The following SHOX2 variants were observed in gnomAD, a reference collection of about 807,000 sequenced individuals.
The protein encoded by SHOX2 is short stature homeobox protein 2.
In SHOX2, 13 loss-of-function variants were observed where a neutral mutation model predicts 31.3. That is an observed-to-expected ratio of 0.42 (90% CI 0.27 to 0.66). The LOEUF (loss-of-function observed/expected upper bound fraction) is 0.66. Among genes scored for constraint, SHOX2 ranks in the 30% least tolerant of loss-of-function variants. The probability of loss-of-function intolerance (pLI) is 0.27; values close to 1 mark genes in which losing one functional copy is unlikely to be tolerated. For synonymous variants in SHOX2, 244 were observed against 196.2 expected (o/e 1.24, Z -2.04); for missense variants, 473 against 443.0 (o/e 1.07, Z -0.61).
chr3:158,105,725 G>A lies in SHOX2; in HGVS notation c.300C>T (p.Gly100=). ...CCGGCTCCCTGCTTCTCTCGGCGGC[G>A]CCCATGTCCAGCTCCCGGACGGGAG... ...GRSPVRELDM[G]AAERSREPGS... is the part of the protein sequence containing the mutation. The change falls in exon 1 of 5, where the codon GGC becomes GGT. Residue 100 remains glycine, a synonymous_variant. Transcript: ENST00000483851. 2.6e-6 allele frequency: 4 copies of A among 1,525,076 alleles called. No individual in the cohort carries two copies. Among genetic ancestry groups the A allele is most frequent in the Non-Finnish European group, 2.6e-6 (3 of 1,137,554 alleles). The allele number at this position is 1,525,076 out of a possible 1,614,324, so 94.5% of individuals were successfully genotyped here.
intron 3 of SHOX2, 68 bp from the exon 4 acceptor site, chr3:158,100,016 G>T (rs779792153): frequency 7.6e-7 from 1 of 1,318,942 alleles, no homozygotes; most frequent in South Asian, 1.2e-5. Flanking sequence ...GTTCCAAAGG[G>T]TACAAGACAG....
chr3:158,099,411 A>T (rs1486391406), intron 4 of SHOX2, among the ~76,000 whole-genome samples: 2 of 152,220 alleles, frequency 1.3e-5, no homozygotes, highest in Non-Finnish European at 2.9e-5. Context: ...GAAAAAACAA[A>T]AGTATGAGCT....
intron 1 of SHOX2, chr3:158,103,886 C>T (rs1713675202): frequency 6.6e-6 from 1 of 152,254 alleles, no homozygotes; most frequent in Non-Finnish European, 1.5e-5. Context: ...ATGAATTTTT[C>T]TGCTCTGGGT....
At chr3:158,104,436 C>T (rs1311297754) in intron 1 of SHOX2, among the ~76,000 whole-genome samples, 2 of 152,240 alleles carry the variant, frequency 1.3e-5, no homozygotes, top group African/African-American at 4.8e-5. Flanking sequence ...TTTTCTAGTT[C>T]TCAGAGTTAG....
rs1202679002 is a variant in SHOX2 at position 158,096,416 on chromosome 3, A to AG, written c.*1610_*1611insC. 2.0e-5 allele frequency: 3 copies of AG among 146,844 alleles called. No homozygotes were observed. The highest frequency in any genetic ancestry group is 3.0e-5 in the Non-Finnish European group (2 of 66,654). The allele number at this position is 146,844 out of a possible 1,614,324, so 9.1% of individuals were successfully genotyped here. Reference sequence around the variant, plus strand: ...TTGAAACAAACAACCAAAAGAAAAAAAAAAACAAAAAAGAAACAAACAAAC... The same window carrying AG: ...TTGAAACAAACAACCAAAAGAAAAAAGAAAAACAAAAAAGAAACAAACAAAC... On this transcript the variant is annotated 3_prime_UTR_variant, in exon 5 of 5. Coordinates refer to ENST00000483851, the MANE Select transcript of SHOX2 (RefSeq NM_001163678.2).
rs1416138989 is a variant in SHOX2 at position 158,097,356 on chromosome 3, C to T, written c.*671G>A. 2.6e-5 allele frequency: 4 copies of T among 152,468 alleles called. No homozygotes were observed. The East Asian group carries it at 5.8e-4, about 22-fold the overall frequency. 9.4% of individuals were successfully genotyped at this position (152,468 alleles called of 1,614,324 possible). ...TCAAAACCTGTGAACTTCCCAGCTG[C>T]GCACTTTTTTCATCTTAGTTTTTTA... is the stretch of plus-strand genomic sequence containing the variant. On this transcript the variant is annotated 3_prime_UTR_variant, in exon 5 of 5. Coordinates refer to ENST00000483851, the MANE Select transcript of SHOX2 (RefSeq NM_001163678.2).
rs62288265 is a variant in SHOX2 at position 158,106,309 on chromosome 3, G to T, written c.-285C>A. On this transcript the variant is annotated 5_prime_UTR_variant, in exon 1 of 5. Transcript: ENST00000483851. ...AGGGAGGAGGAGGAGGAGAAGAGAA[G>T]GGGCGGGGGCTGCCGGAGGGAAATG... 6 of 456,980 alleles carry T rather than the reference G, an allele frequency of 1.3e-5. No homozygotes were observed. Among genetic ancestry groups the T allele is most frequent in the Non-Finnish European group, 2.3e-5 (6 of 258,762 alleles). The allele number at this position is 456,980 out of a possible 1,614,324, so 28.3% of individuals were successfully genotyped here. A position where few individuals can be genotyped will look rare whatever the true frequency, so the allele number is the denominator to read the frequency against.
chr3:158,105,081 G>C lies in SHOX2; in HGVS notation c.346+598C>G, dbSNP rs754635163. 6.2e-6 allele frequency: 9 copies of C among 1,442,530 alleles called. No homozygotes were observed. The South Asian group carries it at 9.8e-5, about 16-fold the overall frequency. 89.4% of individuals were successfully genotyped at this position (1,442,530 alleles called of 1,614,324 possible). A position where few individuals can be genotyped will look rare whatever the true frequency, so the allele number is the denominator to read the frequency against. ...ACCAAGAAACCGAAACGCCTCGCCC[G>C]GGAGAAGCAGCGTAGCCTGGACCTC... On this transcript the variant is annotated intron_variant, in intron 1 of 4. Transcript: ENST00000483851.
chr3:158,102,934 ACACACACACG>A, intron 1 of SHOX2, 48 bp from the exon 2 acceptor site: 1 of 1,487,154 alleles, frequency 6.7e-7, no homozygotes, highest in Non-Finnish European at 9.4e-7. Context: ...ACACGAACAC[ACACACACACG>A]CACACACACA....
At chr3:158,101,375 T>G (rs1427012203) in intron 2 of SHOX2, among the ~76,000 whole-genome samples, 1 of 152,232 alleles carries the variant, frequency 6.6e-6, no homozygotes, top group African/African-American at 2.4e-5. Flanking sequence ...GGCCTGAGGC[T>G]TCTTGCCTTT....
intron 1 of SHOX2, 121 bp from the exon 2 acceptor site, chr3:158,103,007 T>G: frequency 1.1e-6 from 1 of 926,404 alleles, no homozygotes; most frequent in Non-Finnish European, 1.7e-6. Flanking sequence ...CAAAAAAGAA[T>G]AGAGAATCCT....
In SHOX2 at chr3:158,098,174, T is replaced by G. The variant is rs762688033; in HGVS notation, c.813A>C (p.Gly271=). 4.3e-6 allele frequency: 7 copies of G among 1,613,462 alleles called. No individual in the cohort carries two copies. Among genetic ancestry groups the G allele is most frequent in the South Asian group, 2.2e-5 (2 of 91,046 alleles). ...CCGCGGCCAGCGTGGCGAGCGGCAG[T>G]CCGAAGGGCGGTGCTGGGAACATCA... ...PYMMFPAPPF[G]LPLATLAADS... Residue 271 remains glycine, a synonymous_variant, in exon 5 of 5, where the codon GGA becomes GGC. Coordinates refer to ENST00000483851, the MANE Select transcript of SHOX2 (RefSeq NM_001163678.2).
intron 2 of SHOX2, among the ~76,000 whole-genome samples, chr3:158,101,227 T>C (rs1713467206): frequency 6.6e-6 from 1 of 152,218 alleles, no homozygotes; most frequent in Non-Finnish European, 1.5e-5. Context: ...AAAGTAAAAA[T>C]ACTGCTTCAG....
chr3:158,105,770 T>C lies in SHOX2; in HGVS notation c.255A>G (p.Gly85=), dbSNP rs2108134016. The C allele has an allele frequency of 1.3e-6, 2 of 1,518,164 alleles. No individual in the cohort carries two copies. Among genetic ancestry groups the C allele is most frequent in the Non-Finnish European group, 8.8e-7 (1 of 1,134,254 alleles). The allele number at this position is 1,518,164 out of a possible 1,614,324, so 94.0% of individuals were successfully genotyped here. The change falls in exon 1 of 5, where the codon GGA becomes GGG. Residue 85 remains glycine, a synonymous_variant. Transcript: ENST00000483851. The part of the protein sequence containing the change: ...GGGVGGGGAG[G]GAGGGRSPVR... ...CGGGAGAGCGCCCTCCTCCAGCTCC[T>C]CCGCCTGCTCCTCCTCCTCCTACAC...
At position 158,106,325 on chromosome 3, in the gene SHOX2, G is replaced by T; in HGVS notation, c.-301C>A. ...AGAAGAGAAGGGGCGGGGGCTGCCG[G>T]AGGGAAATGGGAACTGATGCTTCCC... On this transcript the variant is annotated 5_prime_UTR_variant, in exon 1 of 5. Coordinates refer to ENST00000483851, the MANE Select transcript of SHOX2 (RefSeq NM_001163678.2). 2.3e-6 allele frequency: 1 copy of T among 431,794 alleles called. No individual in the cohort carries two copies. The highest frequency in any genetic ancestry group is 4.2e-5 in the Admixed American group (1 of 24,034). 26.7% of individuals were successfully genotyped at this position (431,794 alleles called of 1,614,324 possible). A position where few individuals can be genotyped will look rare whatever the true frequency, so the allele number is the denominator to read the frequency against.
In SHOX2 at chr3:158,098,174, T is replaced by C. The variant is rs762688033; in HGVS notation, c.813A>G (p.Gly271=). ...CCGCGGCCAGCGTGGCGAGCGGCAG[T>C]CCGAAGGGCGGTGCTGGGAACATCA... is the stretch of plus-strand genomic sequence containing the variant. ...PYMMFPAPPF[G]LPLATLAADS... Residue 271 remains glycine, a synonymous_variant, in exon 5 of 5, where the codon GGA becomes GGG. Transcript: ENST00000483851. The C allele has an allele frequency of 3.7e-6, 6 of 1,613,462 alleles. No individual in the cohort carries two copies. In the Admixed American group the frequency reaches 6.7e-5, roughly 18 times the overall value.
Position 158,099,845 on chromosome 3 carries a change from C to A in SHOX2, c.702+15G>T, listed in dbSNP as rs1185191432. 36 of 1,596,412 alleles carry A rather than the reference C, an allele frequency of 2.3e-5. No homozygotes were observed. The highest frequency in any genetic ancestry group is 3.1e-5 in the Non-Finnish European group (36 of 1,164,310). On this transcript the variant is annotated intron_variant, in intron 4 of 4. Transcript: ENST00000483851. Reference sequence around the variant, plus strand: ...TTTCATATTTAAAAACAGCTTGAAACTAGGCTGTACTTGCCTGCTGAAATG... The same window carrying A: ...TTTCATATTTAAAAACAGCTTGAAAATAGGCTGTACTTGCCTGCTGAAATG...
In SHOX2 at chr3:158,105,723, G is replaced by T; in HGVS notation, c.302C>A (p.Ala101Asp). Residue 101 changes from alanine (A) to aspartate (D), a missense_variant, in exon 1 of 5, where the codon GCC (alanine) becomes GAC (aspartate). By Grantham distance (126) the Ala-to-Asp change is moderately radical (BLOSUM62 -2). This residue lies in a region of SHOX2 where 276 missense variants were observed against 230.0 expected (regional missense o/e 1.20). Coordinates refer to ENST00000483851, the MANE Select transcript of SHOX2 (RefSeq NM_001163678.2). ...RSPVRELDMG[A>D]AERSREPGSP... ...GCCCGGCTCCCTGCTTCTCTCGGCG[G>T]CGCCCATGTCCAGCTCCCGGACGGG... The T allele has an allele frequency of 6.6e-7, 1 of 1,525,710 alleles. No individual in the cohort carries two copies. The allele number at this position is 1,525,710 out of a possible 1,614,324, so 94.5% of individuals were successfully genotyped here.
At chr3:158,098,852 C>A (rs1713302260) in intron 4 of SHOX2, among the ~76,000 whole-genome samples, 1 of 152,162 alleles carries the variant, frequency 6.6e-6, no homozygotes, top group Non-Finnish European at 1.5e-5. Context: ...TAGGTTGGGG[C>A]CTGAGATTCT....
Sources: gnomAD v4.1 joint callset for allele counts (sites outside exome capture counted in the v4.1 genomes callset) on GRCh38, gnomAD v4.1.1 for gene constraint, gnomAD v4.1.1 regional missense constraint, MANE v1.5 for transcripts, NCBI Gene and HGNC (gene_info 2026-07-23, HGNC 2026-07-21) for gene names.